GPR21: variants seen among roughly 807,000 people sequenced by gnomAD.
GPR21 encodes G protein-coupled receptor 21, also known as probable G protein-coupled receptor 21.
Under a neutral mutation model 21.5 loss-of-function variants are expected in GPR21, and 9 were observed. The ratio of observed to expected loss-of-function variants is 0.42; its 90% CI spans 0.25 to 0.73. The LOEUF is 0.73. Ranked by LOEUF, GPR21 falls within the 30% of genes least tolerant of loss-of-function variation. The pLI is 0.27. For missense variants in GPR21, 416 were observed against 428.9 expected, an observed-to-expected ratio of 0.97 and a Z score of 0.27; for synonymous variants, 169 against 159.3, an observed-to-expected ratio of 1.06 and a Z score of -0.46.
At chr9:123,040,972 T>A in the GPR21 span, among the ~76,000 whole-genome samples, 2 of 152,166 alleles carry the variant, frequency 1.3e-5, no homozygotes, top group Non-Finnish European at 2.9e-5. Flanking sequence ...GACTTCATGC[T>A]TCCTAATCCG....
Position 123,034,197 on chromosome 9 carries a change from C to T in GPR21, c.-370C>T. The T allele has an allele frequency of 8.0e-6, 2 of 249,176 alleles. No individual in the cohort carries two copies. The highest frequency in any genetic ancestry group is 1.5e-5 in the Non-Finnish European group (2 of 132,102). The allele number at this position is 249,176 out of a possible 1,614,324, so 15.4% of individuals were successfully genotyped here. The stretch of plus-strand genomic sequence containing the variant: ...TGTTCAGAGGAGACTCATTACAACT[C>T]CTGCTGAAGCTCCTAATCTTCTTCC... On this transcript the variant is annotated 5_prime_UTR_variant, in exon 2 of 2. Coordinates refer to ENST00000616002, the MANE Select transcript of GPR21 (RefSeq NM_005294.3).
At chr9:123,037,239 G>C (rs1200713318), downstream of GPR21, among the ~76,000 whole-genome samples, 3 of 152,196 alleles carry the variant, frequency 2.0e-5, no homozygotes, top group African/African-American at 7.2e-5. Context: ...CATGATGCCA[G>C]TGTTCTTATG....
the GPR21 span, among the ~76,000 whole-genome samples, chr9:123,047,163 T>G: frequency 1.3e-5 from 2 of 152,234 alleles, no homozygotes; most frequent in Admixed American, 6.5e-5. Flanking sequence ...GTCTTTCCAT[T>G]GGTACTTTCA....
At chr9:123,048,855 G>A in the GPR21 span, among the ~76,000 whole-genome samples, 1 of 152,222 alleles carries the variant, frequency 6.6e-6, no homozygotes, top group African/African-American at 2.4e-5. Flanking sequence ...AGCAAACCAG[G>A]AAAAGGTTGA....
downstream of GPR21, among the ~76,000 whole-genome samples, chr9:123,036,616 A>G (rs2032677162): frequency 6.6e-6 from 1 of 152,242 alleles, no homozygotes; most frequent in Admixed American, 6.5e-5. Flanking sequence ...ACCGTAGTAT[A>G]CAGATTGTTT....
the GPR21 span, among the ~76,000 whole-genome samples, chr9:123,041,128 CT>C: frequency 2.6e-5 from 4 of 152,150 alleles, no homozygotes; most frequent in African/African-American, 9.7e-5. Context: ...AATTGAGACT[CT>C]TTATGTTTCA....
chr9:123,034,452 C>G lies in GPR21; in HGVS notation c.-115C>G. On this transcript the variant is annotated 5_prime_UTR_variant, in exon 2 of 2. Coordinates refer to ENST00000616002, the MANE Select transcript of GPR21 (RefSeq NM_005294.3). Reference sequence around the variant, plus strand: ...CATCAGGAGCTTGGGGAGTAAGGCTCCTCTGGCATTATTACACACATGCAA... The same window carrying G: ...CATCAGGAGCTTGGGGAGTAAGGCTGCTCTGGCATTATTACACACATGCAA... 1 of 689,578 alleles carries G rather than the reference C, an allele frequency of 1.5e-6. No individual in the cohort carries two copies. Among genetic ancestry groups the G allele is most frequent in the South Asian group, 1.8e-5 (1 of 56,958 alleles). 42.7% of individuals were successfully genotyped at this position (689,578 alleles called of 1,614,324 possible).
the GPR21 span, among the ~76,000 whole-genome samples, chr9:123,048,658 A>G: frequency 3.3e-5 from 5 of 152,266 alleles, no homozygotes; most frequent in African/African-American, 9.6e-5. Flanking sequence ...TTTGTTTGGA[A>G]TATGACTTTG....
downstream of GPR21, among the ~76,000 whole-genome samples, chr9:123,036,484 A>G (rs2032668138): frequency 6.6e-6 from 1 of 152,224 alleles, no homozygotes; most frequent in South Asian, 2.1e-4. Flanking sequence ...TCCATTTTAT[A>G]ATGGTGACTA....
chr9:123,043,016 A>C, the GPR21 span, among the ~76,000 whole-genome samples: 3 of 152,176 alleles, frequency 2.0e-5, no homozygotes, highest in Non-Finnish European at 2.9e-5. Flanking sequence ...ATAATGGGTA[A>C]TAGCTTCAGA....
chr9:123,034,956 C>G lies in GPR21; in HGVS notation c.390C>G (p.Ala130=), dbSNP rs1226552693. 1 of 1,613,340 alleles carries G rather than the reference C, an allele frequency of 6.2e-7. No individual in the cohort carries two copies. Among genetic ancestry groups the G allele is most frequent in the Non-Finnish European group, 8.5e-7 (1 of 1,179,444 alleles). Residue 130 remains alanine, a synonymous_variant, in exon 2 of 2, where the codon GCC becomes GCG. Coordinates refer to ENST00000616002, the MANE Select transcript of GPR21 (RefSeq NM_005294.3). The part of the protein sequence containing the change: ...LACISIDRYI[A]ITKPLTYNTL... ...GTATCAGCATTGATAGATACATTGC[C>G]ATTACTAAACCTTTAACCTATAATA...
downstream of GPR21, among the ~76,000 whole-genome samples, chr9:123,036,176 CTT>C (rs2032649825): frequency 6.6e-6 from 1 of 152,140 alleles, no homozygotes. Flanking sequence ...GTTTTATTCT[CTT>C]GAGAGAATTC....
At chr9:123,037,248 T>C (rs79446120), downstream of GPR21, among the ~76,000 whole-genome samples, 47 of 152,354 alleles carry the variant, frequency 3.1e-4, no homozygotes, top group East Asian at 6.4e-3. Context: ...AGTGTTCTTA[T>C]GATTTTAGGC....
chr9:123,038,310 T>C (rs1414689019), downstream of GPR21, among the ~76,000 whole-genome samples: 2 of 152,200 alleles, frequency 1.3e-5, no homozygotes, highest in Non-Finnish European at 2.9e-5. Context: ...CCTTTTATAA[T>C]GGCTTTTACT....
Position 123,034,595 on chromosome 9 carries a change from G to A in GPR21, c.29G>A (p.Ser10Asn). The A allele has an allele frequency of 1.2e-6, 2 of 1,610,312 alleles. No individual in the cohort carries two copies. Among genetic ancestry groups the A allele is most frequent in the East Asian group, 2.2e-5 (1 of 44,880 alleles). ...AACTCCACCTTGGATGGTAATCAGAGCAGCCACCCTTTTTGCCTCTTGGCA... is the reference window on the plus strand; with the variant it reads ...AACTCCACCTTGGATGGTAATCAGAACAGCCACCCTTTTTGCCTCTTGGCA... MNSTLDGNQ[S>N]SHPFCLLAFG... The change falls in exon 2 of 2, where the codon AGC (serine) becomes AAC (asparagine). Residue 10 changes from serine to asparagine, a missense_variant. Ser to Asn is a conservative substitution (Grantham distance 46). Transcript: ENST00000616002.
chr9:123,035,407 A>C lies in GPR21; in HGVS notation c.841A>C (p.Ser281Arg), dbSNP rs374937213. 242 of 1,614,070 alleles carry C rather than the reference A, an allele frequency of 1.5e-4. No individual in the cohort carries two copies. The highest frequency in any genetic ancestry group is 2.0e-4 in the Non-Finnish European group (237 of 1,180,036). ...CTTGTTGGAAAGCTCCACTGGCCAC[A>C]GCAACCGCTTCGCATCCTTCTTGAC... ...YFLLESSTGH[S>R]NRFASFLTTW... is the part of the protein sequence containing the mutation. Residue 281 changes from serine (S) to arginine (R), a missense_variant, in exon 2 of 2, where the codon AGC (serine) becomes CGC (arginine). Ser to Arg is a moderately radical substitution (Grantham distance 110). Transcript: ENST00000616002.
the GPR21 span, among the ~76,000 whole-genome samples, chr9:123,048,819 G>T: frequency 6.6e-6 from 1 of 152,198 alleles, no homozygotes; most frequent in Non-Finnish European, 1.5e-5. Flanking sequence ...CTCCATGATG[G>T]ATTGCTGTGA....
chr9:123,042,666 TA>T, the GPR21 span, among the ~76,000 whole-genome samples: 1 of 151,516 alleles, frequency 6.6e-6, no homozygotes, highest in South Asian at 2.1e-4. Context: ...AGACAGAAAA[TA>T]GATGAAAAAG....
At chr9:123,040,102 T>A (rs2032879081), downstream of GPR21, among the ~76,000 whole-genome samples, 1 of 152,166 alleles carries the variant, frequency 6.6e-6, no homozygotes, top group Non-Finnish European at 1.5e-5. Flanking sequence ...GAAGGATCAT[T>A]CCTTTCTTGT....
Sources: allele counts gnomAD v4.1 joint callset (sites outside exome capture counted in the v4.1 genomes callset), GRCh38; gene constraint gnomAD v4.1.1; transcripts MANE v1.5; gene names NCBI Gene and HGNC (gene_info 2026-07-23, HGNC 2026-07-21).